The following ELP6 variants were observed in gnomAD, a reference collection of about 807,000 sequenced individuals.
ELP6 encodes elongator acetyltransferase complex subunit 6, also known as elongator complex protein 6.
In ELP6, 23 loss-of-function variants were observed where a neutral mutation model predicts 28.1. The observed-to-expected ratio is 0.82, with a 90% CI of 0.59 to 1.16. The LOEUF is 1.16. Ranked by LOEUF, ELP6 falls within the 50% of genes most tolerant of loss-of-function variation. The pLI is 0.00. For synonymous variants in ELP6, 132 were observed against 135.8 expected (o/e 0.97, Z 0.19); for missense variants, 313 against 334.6 (o/e 0.94, Z 0.50).
At chr3:47,509,176 G>C (rs1024027035) in intron 3 of ELP6, among the ~76,000 whole-genome samples, 7 of 151,704 alleles carry the variant, frequency 4.6e-5, no homozygotes, top group African/African-American at 1.7e-4. Context: ...TGGCCAGGCT[G>C]GTCTCCAACT....
intron 5 of ELP6, among the ~76,000 whole-genome samples, chr3:47,499,354 TA>T (rs1262780458): frequency 6.6e-6 from 1 of 151,884 alleles, no homozygotes. Context: ...CCGTCTCTAC[TA>T]AAAAAACACA....
intron 4 of ELP6, among the ~76,000 whole-genome samples, chr3:47,503,905 C>CA (rs1485912446): frequency 1.3e-5 from 2 of 150,874 alleles, no homozygotes; most frequent in Admixed American, 6.6e-5. Flanking sequence ...ACAACAACAA[C>CA]AAAAAAAAGG....
chr3:47,498,124 T>C, intron 6 of ELP6, 162 bp downstream of exon 6: 1 of 1,362,270 alleles, frequency 7.3e-7, no homozygotes, highest in Non-Finnish European at 9.9e-7. Flanking sequence ...AAGCGCAATC[T>C]GGAGCAGGTC....
chr3:47,497,552 G>T (rs1410906752), intron 6 of ELP6, among the ~76,000 whole-genome samples: 1 of 151,676 alleles, frequency 6.6e-6, no homozygotes, highest in East Asian at 2.0e-4. Flanking sequence ...GGCCAGGCTG[G>T]TCTCGAATTC....
At chr3:47,508,040 C>T (rs1256410836) in intron 3 of ELP6, among the ~76,000 whole-genome samples, 1 of 13,896 alleles carries the variant, frequency 7.2e-5, no homozygotes, top group African/African-American at 7.8e-5. Flanking sequence ...TGGAATGCAA[C>T]ATTATTTTCT....
intron 6 of ELP6, chr3:47,498,076 G>T: frequency 7.1e-7 from 1 of 1,399,116 alleles, no homozygotes; most frequent in South Asian, 1.5e-5. Flanking sequence ...GGTCACAAAT[G>T]GGACCCCCAT....
At position 47,513,553 on chromosome 3, in the gene ELP6, G is replaced by A. The variant is rs775581894; in HGVS notation, c.38C>T (p.Pro13Leu). ...VELNNLLNTT[P>L]DRAEQGKLTL... ...ACCTCTTACCTGCTCCGCCCTGTCG[G>A]GGGTGGTGTTAAGCAGGTTATTAAG... The change falls in exon 1 of 7, where the codon CCC becomes CTC. Residue 13 changes from proline (P) to leucine (L), a missense_variant. Physicochemically the swap from Pro to Leu is moderately conservative, Grantham distance 98. Coordinates refer to ENST00000296149, the MANE Select transcript of ELP6 (RefSeq NM_001031703.3). The A allele has an allele frequency of 2.5e-6, 4 of 1,612,732 alleles. No individual in the cohort carries two copies. The highest frequency in any genetic ancestry group is 3.4e-6 in the Non-Finnish European group (4 of 1,179,400).
At chr3:47,513,271 G>T in intron 1 of ELP6, 19 of 1,327,166 alleles carry the variant, frequency 1.4e-5, no homozygotes, top group Non-Finnish European at 1.8e-5. Context: ...GGATTACAGG[G>T]GTGAGCCACC....
At chr3:47,511,530 C>A in intron 1 of ELP6, 2 of 960,668 alleles carry the variant, frequency 2.1e-6, no homozygotes, top group Non-Finnish European at 2.5e-6. Flanking sequence ...CACTCAGGAA[C>A]CAGTCTTAGG....
chr3:47,498,891 G>C lies in ELP6; in HGVS notation c.526-459C>G, dbSNP rs912386204. On this transcript the variant is annotated intron_variant, in intron 5 of 6. Transcript: ENST00000296149. ...AAGACCAAGGGAGAGGGAAGCATGA[G>C]GTGTATGGGAGCACAACGAAGAGGC... Among the ~76,000 whole-genome samples, 66 of 152,194 alleles carry C rather than the reference G, an allele frequency of 4.3e-4. 2 individuals carry two copies. The highest frequency in any genetic ancestry group is 4.4e-5 in the Non-Finnish European group (3 of 68,030).
intron 4 of ELP6, chr3:47,503,575 C>A: frequency 2.1e-6 from 1 of 483,504 alleles, no homozygotes; most frequent in Non-Finnish European, 3.2e-6. Flanking sequence ...GGCTGTATTC[C>A]AATAAAATTT....
At chr3:47,507,032 C>A (rs1052201233) in intron 3 of ELP6, among the ~76,000 whole-genome samples, 4 of 151,950 alleles carry the variant, frequency 2.6e-5, no homozygotes, top group Non-Finnish European at 5.9e-5. Context: ...CATGAACCAC[C>A]ATCCAATTAA....
chr3:47,498,741 C>T (rs1379276222), intron 5 of ELP6: 20 of 983,970 alleles, frequency 2.0e-5, no homozygotes, highest in Non-Finnish European at 2.4e-5. Flanking sequence ...CACCATCCTG[C>T]CAGGCAACCA....
At chr3:47,512,209 G>T in intron 1 of ELP6, 1 of 264,352 alleles carries the variant, frequency 3.8e-6, no homozygotes, top group Non-Finnish European at 5.9e-6. Context: ...TTGCCTGGAG[G>T]AGTTTACCAT....
Position 47,508,719 on chromosome 3 carries a change from G to A in ELP6, c.204+1465C>T, listed in dbSNP as rs1044592052. ...TGGACTTGATTTGCTTATATCTTGCGGGGGCAGGGGTGGGGGAGTTGCATC... is the reference window on the plus strand; with the variant it reads ...TGGACTTGATTTGCTTATATCTTGCAGGGGCAGGGGTGGGGGAGTTGCATC... On this transcript the variant is annotated intron_variant, in intron 3 of 6. Coordinates refer to ENST00000296149, the MANE Select transcript of ELP6 (RefSeq NM_001031703.3). 5.3e-5 allele frequency among the ~76,000 whole-genome samples: 8 copies of A among 151,566 alleles called. No individual in the cohort carries two copies. In the South Asian group the frequency reaches 6.3e-4, roughly 12 times the overall value.
intron 4 of ELP6, chr3:47,503,411 T>C (rs1310640041): frequency 4.7e-6 from 6 of 1,289,738 alleles, no homozygotes; most frequent in Non-Finnish European, 6.1e-6. Context: ...GCCTGTGATG[T>C]TGAATACCAA....
At chr3:47,501,134 ATTTCTTT>A (rs1708637625) in intron 5 of ELP6, among the ~76,000 whole-genome samples, 1 of 152,190 alleles carries the variant, frequency 6.6e-6, no homozygotes, top group Non-Finnish European at 1.5e-5. Flanking sequence ...CCAGTTACAG[ATTTCTTT>A]GTTCCTTCTC....
At position 47,513,529 on chromosome 3, in the gene ELP6, C is replaced by G. The variant is rs768479891; in HGVS notation, c.54+8G>C. The G allele has an allele frequency of 6.2e-7, 1 of 1,612,198 alleles. No homozygotes were observed. The stretch of plus-strand genomic sequence containing the variant: ...TCCCGCCCCCTTCCGGCCAGCGGGA[C>G]CTCTTACCTGCTCCGCCCTGTCGGG... On this transcript the variant is annotated splice_region_variant and intron_variant, in intron 1 of 6. Coordinates refer to ENST00000296149, the MANE Select transcript of ELP6 (RefSeq NM_001031703.3).
intron 2 of ELP6, 82 bp from the exon 3 acceptor site, chr3:47,510,336 ACT>A: frequency 8.3e-7 from 1 of 1,203,830 alleles, no homozygotes. Context: ...AAAAAAAAGC[ACT>A]GAGGCAAATC....
Sources: allele counts gnomAD v4.1 joint callset (sites outside exome capture counted in the v4.1 genomes callset), GRCh38; gene constraint gnomAD v4.1.1; transcripts MANE v1.5; gene names NCBI Gene and HGNC (gene_info 2026-07-23, HGNC 2026-07-21).